Variants in SDHA observed in about 807,000 individuals in gnomAD.
The protein encoded by SDHA is succinate dehydrogenase complex flavoprotein subunit A.
A neutral mutation model predicts 78.4 loss-of-function variants in SDHA; 48 were observed. The ratio of observed to expected loss-of-function variants is 0.61; its 90% CI spans 0.49 to 0.78. The LOEUF (loss-of-function observed/expected upper bound fraction) is 0.78, where lower values mean the gene tolerates loss of function less well. SDHA is among the 30% of genes least tolerant of loss of function. SDHA has a pLI of 0.00. For synonymous variants in SDHA, 326 were observed against 353.9 expected, an observed-to-expected ratio of 0.92 and a Z score of 0.88; for missense variants, 680 against 892.7, an observed-to-expected ratio of 0.76 and a Z score of 3.04.
At position 229,480 on chromosome 5, in the gene SDHA, T is replaced by G. The variant is rs978011982; in HGVS notation, c.770+1147T>G. ...CGTGGATGAACCCAAAGTCATTATG[T>G]TAAGTGAAACGAGCCAGGCACAGAA... On this transcript the variant is annotated intron_variant, in intron 6 of 14. Coordinates refer to ENST00000264932, the MANE Select transcript of SDHA (RefSeq NM_004168.4). 2.0e-5 allele frequency among the ~76,000 whole-genome samples: 3 copies of G among 152,246 alleles called. No homozygotes were observed. The highest frequency in any genetic ancestry group is 7.2e-5 in the African/African-American group (3 of 41,470).
Position 251,468 on chromosome 5 carries a change from G to A in SDHA, c.1794G>A (p.Lys598=), listed in dbSNP as rs1554001975. ...SRGAHAREDY[K]VRIDEYDYSK... ...GCGCGCATGCCAGGGAAGACTACAA[G>A]GTGGGCCTTCTCACCACGCCCACCT... is the stretch of plus-strand genomic sequence containing the variant. Residue 598 remains lysine (K), a splice_region_variant and synonymous_variant, in exon 13 of 15, where the codon AAG becomes AAA. Transcript: ENST00000264932. 1 of 1,613,984 alleles carries A rather than the reference G, an allele frequency of 6.2e-7. No individual in the cohort carries two copies.
chr5:244,076 C>T (rs1736298028), intron 11 of SDHA, among the ~76,000 whole-genome samples: 1 of 152,048 alleles, frequency 6.6e-6, no homozygotes, highest in Admixed American at 6.6e-5. Flanking sequence ...AGATGGGAAC[C>T]CCATTTTGGG....
chr5:251,916 C>A (rs1364203867), intron 13 of SDHA: 1 of 331,498 alleles, frequency 3.0e-6, no homozygotes, highest in Non-Finnish European at 5.9e-6. Context: ...AGTAAGCCAC[C>A]GTTTCAAACC....
intron 10 of SDHA, among the ~76,000 whole-genome samples, chr5:238,468 G>A (rs145976529): frequency 0.096 from 14,302 of 148,524 alleles, 2,225 homozygotes; most frequent in African/African-American, 0.33. Context: ...TTAAGAGATA[G>A]TCTCCCTCTG....
At chr5:234,912 T>C in intron 8 of SDHA, 1 of 589,268 alleles carries the variant, frequency 1.7e-6, no homozygotes, top group Non-Finnish European at 3.1e-6. Context: ...AGCGTGAGTT[T>C]AGTGAGGGCA....
intron 14 of SDHA, 131 bp downstream of exon 14, chr5:254,637 C>A: frequency 7.0e-7 from 1 of 1,419,684 alleles, no homozygotes; most frequent in Non-Finnish European, 9.6e-7. Flanking sequence ...AGATTCGAGG[C>A]ACCGCTGAAA....
chr5:221,115 A>G (rs1009042033), intron 1 of SDHA, among the ~76,000 whole-genome samples: 4 of 152,176 alleles, frequency 2.6e-5, no homozygotes, highest in African/African-American at 9.7e-5. Context: ...GCCCGGCCGA[A>G]CTGTATTTTA....
At chr5:218,840 C>G (rs1246314840) in intron 1 of SDHA, among the ~76,000 whole-genome samples, 2 of 152,138 alleles carry the variant, frequency 1.3e-5, no homozygotes, top group African/African-American at 2.4e-5. Context: ...GGGCCTCTGC[C>G]GCCCTCTGTG....
At position 254,209 on chromosome 5, in the gene SDHA, C is replaced by A. The variant is rs568413927; in HGVS notation, c.1795-184C>A. The A allele has an allele frequency of 2.6e-3, 1,330 of 520,042 alleles. 13 individuals carry two copies. Among genetic ancestry groups the A allele is most frequent in the Admixed American group, 6.4e-3 (255 of 39,862 alleles). 32.2% of individuals were successfully genotyped at this position (520,042 alleles called of 1,614,324 possible). ...TGTGGACTCACTGCTGGCTGCACAC[C>A]CCCTGGCCAGCCATGCGGCCTCCGT... On this transcript the variant is annotated intron_variant, in intron 13 of 14. Transcript: ENST00000264932.
At chr5:255,876 C>T (rs1737152863) in intron 14 of SDHA, among the ~76,000 whole-genome samples, 1 of 152,296 alleles carries the variant, frequency 6.6e-6, no homozygotes, top group Middle Eastern at 3.4e-3. Flanking sequence ...ATATTTAATA[C>T]ACAGCTTGAG....
intron 6 of SDHA, among the ~76,000 whole-genome samples, chr5:229,332 C>T (rs1735237614): frequency 1.3e-5 from 2 of 152,316 alleles, no homozygotes; most frequent in Admixed American, 1.3e-4. Context: ...CAGCATTATT[C>T]ACAATACCCG....
chr5:225,221 A>G (rs1439150894), intron 3 of SDHA, among the ~76,000 whole-genome samples, 198 bp from the exon 4 acceptor site: 2 of 152,074 alleles, frequency 1.3e-5, no homozygotes, highest in Admixed American at 1.3e-4. Flanking sequence ...TAAGGATGGA[A>G]TCACTGGGCG....
At chr5:266,766 G>GTCCCGTGCAGTAGACACGGTGGCCT in the SDHA span, among the ~76,000 whole-genome samples, 1 of 92,700 alleles carries the variant, frequency 1.1e-5, no homozygotes, top group Non-Finnish European at 1.9e-5. Flanking sequence ...CACCGTGGCC[G>GTCCCGTGCAGTAGACACGGTGGCCT]CTGTGTCTGA....
At chr5:262,653 G>C in the SDHA span, among the ~76,000 whole-genome samples, 4 of 152,222 alleles carry the variant, frequency 2.6e-5, no homozygotes, top group Non-Finnish European at 5.9e-5. Flanking sequence ...GTGCCAACAA[G>C]GTTAGGGACC....
chr5:219,566 C>T (rs1171444227), intron 1 of SDHA, among the ~76,000 whole-genome samples: 1 of 152,170 alleles, frequency 6.6e-6, no homozygotes, highest in Non-Finnish European at 1.5e-5. Context: ...AGTCATACAG[C>T]CATCCTGCCA....
intron 10 of SDHA, 152 bp from the exon 11 acceptor site, chr5:240,206 G>A (rs1166445353): frequency 3.1e-6 from 2 of 655,212 alleles, no homozygotes; most frequent in South Asian, 1.6e-5. Context: ...GGCCTCAGCT[G>A]TAGGGTGGGC....
At position 223,548 on chromosome 5, in the gene SDHA, T is replaced by C; in HGVS notation, c.130T>C (p.Ser44Pro). 6.2e-7 allele frequency: 1 copy of C among 1,613,578 alleles called. No homozygotes were observed. The highest frequency in any genetic ancestry group is 8.5e-7 in the Non-Finnish European group (1 of 1,179,470). The change falls in exon 2 of 15, where the codon TCT (serine) becomes CCT (proline). Residue 44 changes from serine (S) to proline (P), a missense_variant. By Grantham distance (74) the Ser-to-Pro change is moderately conservative. Coordinates refer to ENST00000264932, the MANE Select transcript of SDHA (RefSeq NM_004168.4). ...CACTGTTGATGGGAACAAGAGGGCA[T>C]CTGCTAAAGTTTCAGATTCCGTAAG... ...HFTVDGNKRASAKVSDSISAQ... is the reference protein window; with the variant it reads ...HFTVDGNKRAPAKVSDSISAQ...
Position 251,483 on chromosome 5 carries a change from C to T in SDHA, c.1794+15C>T. The T allele has an allele frequency of 1.2e-6, 2 of 1,613,848 alleles. No individual in the cohort carries two copies. Among genetic ancestry groups the T allele is most frequent in the Non-Finnish European group, 8.5e-7 (1 of 1,179,852 alleles). On this transcript the variant is annotated intron_variant, in intron 13 of 14. Transcript: ENST00000264932. ...AAGACTACAAGGTGGGCCTTCTCAC[C>T]ACGCCCACCTGCACCTGCCTTTTCC...
At chr5:246,799 C>A (rs1736495776) in intron 11 of SDHA, among the ~76,000 whole-genome samples, 1 of 152,212 alleles carries the variant, frequency 6.6e-6, no homozygotes, top group Non-Finnish European at 1.5e-5. Context: ...GACTCTAACT[C>A]CTTATTTGGA....
Sources: allele counts gnomAD v4.1 joint callset (sites outside exome capture counted in the v4.1 genomes callset), GRCh38; gene constraint gnomAD v4.1.1; transcripts MANE v1.5; gene names NCBI Gene and HGNC (gene_info 2026-07-23, HGNC 2026-07-21).